The following SF3B1 variants were observed in gnomAD, a reference collection of about 807,000 sequenced individuals.
The protein encoded by SF3B1 is splicing factor 3b subunit 1.
In SF3B1, 12 loss-of-function variants were observed where a neutral mutation model predicts 153.8. The observed-to-expected ratio is 0.08, with a 90% CI of 0.05 to 0.13. SF3B1 has a LOEUF of 0.13. Among genes scored for constraint, SF3B1 ranks in the 10% least tolerant of loss-of-function variants. The pLI, the probability that SF3B1 is intolerant of heterozygous loss-of-function variation, is 1.00. For synonymous variants in SF3B1, 498 were observed against 525.2 expected, an observed-to-expected ratio of 0.95 and a Z score of 0.71; for missense variants, 513 against 1,606.1, an observed-to-expected ratio of 0.32 and a Z score of 11.63.
chr2:197,433,951 G>C (rs1279558388), intron 1 of SF3B1, among the ~76,000 whole-genome samples: 3 of 152,168 alleles, frequency 2.0e-5, no homozygotes, highest in Non-Finnish European at 4.4e-5. Context: ...AGAACATGCT[G>C]CTTTTTCTTC....
At position 197,417,058 on chromosome 2, in the gene SF3B1, T is replaced by C; in HGVS notation, c.496-147A>G. On this transcript the variant is annotated intron_variant, in intron 5 of 24. Transcript: ENST00000335508. Reference sequence around the variant, plus strand: ...GTGATCTCCTTTCTACGCTCGCTGGTTCCATAGTCTGTGCGTCTTTATTTC... The same window carrying C: ...GTGATCTCCTTTCTACGCTCGCTGGCTCCATAGTCTGTGCGTCTTTATTTC... 5 of 745,244 alleles carry C rather than the reference T, an allele frequency of 6.7e-6. No homozygotes were observed. In the East Asian group the frequency reaches 8.0e-5, roughly 12 times the overall value. 46.2% of individuals were successfully genotyped at this position (745,244 alleles called of 1,614,324 possible).
chr2:197,427,294 T>C (rs892015312), intron 1 of SF3B1, among the ~76,000 whole-genome samples: 6 of 152,256 alleles, frequency 3.9e-5, no homozygotes, highest in African/African-American at 1.4e-4. Flanking sequence ...TAAATGTTTA[T>C]ATGCAAATCA....
chr2:197,409,266 G>T (rs1226349669), intron 7 of SF3B1, among the ~76,000 whole-genome samples: 1 of 152,114 alleles, frequency 6.6e-6, no homozygotes, highest in African/African-American at 2.4e-5. Context: ...GGGCTTGGTG[G>T]CGCATGCCTG....
At chr2:197,399,999 AAAG>A (rs1169164620) in intron 20 of SF3B1, 53 bp downstream of exon 20, 2 of 1,242,676 alleles carry the variant, frequency 1.6e-6, no homozygotes, top group African/African-American at 3.1e-5. Flanking sequence ...ACGAAAAAAA[AAAG>A]AAAAAGAAAG....
chr2:197,422,821 C>T (rs1411300676), intron 2 of SF3B1, among the ~76,000 whole-genome samples: 1 of 151,348 alleles, frequency 6.6e-6, no homozygotes, highest in Non-Finnish European at 1.5e-5. Context: ...ACCCTGGAGG[C>T]GGAGCATGCA....
chr2:197,396,907 T>C (rs191557592), intron 22 of SF3B1, among the ~76,000 whole-genome samples: 5 of 152,320 alleles, frequency 3.3e-5, no homozygotes, highest in Non-Finnish European at 7.3e-5. Flanking sequence ...AAATAAATAT[T>C]ATGCTACCAA....
Position 197,402,706 on chromosome 2 carries a change from A to T in SF3B1, c.1927T>A (p.Ser643Thr). 1 of 1,614,136 alleles carries T rather than the reference A, an allele frequency of 6.2e-7. No individual in the cohort carries two copies. Among genetic ancestry groups the T allele is most frequent in the Non-Finnish European group, 8.5e-7 (1 of 1,179,990 alleles). Residue 643 changes from serine to threonine, a missense_variant, in exon 14 of 25, where the codon TCT (serine) becomes ACT (threonine). By Grantham distance (58) the Ser-to-Thr change is moderately conservative. Transcript: ENST00000335508. This position sits in a 1 kb window ranked among gnomAD's most constrained non-coding sequence, Gnocchi z 4.6. ...ACAGCTTTTAAGAAGGGCAATAAAGAAGGAATGCCCAGGGCAGAGGCTACA... is the reference window on the plus strand; with the variant it reads ...ACAGCTTTTAAGAAGGGCAATAAAGTAGGAATGCCCAGGGCAGAGGCTACA... ...AVVASALGIPSLLPFLKAVCK... is the reference protein window; with the variant it reads ...AVVASALGIPTLLPFLKAVCK...
At chr2:197,422,530 AC>A (rs1294013895) in intron 2 of SF3B1, among the ~76,000 whole-genome samples, 1 of 152,080 alleles carries the variant, frequency 6.6e-6, no homozygotes, top group African/African-American at 2.4e-5. Context: ...GTGCACATGG[AC>A]CCTAGAATTT....
In SF3B1 at chr2:197,430,757, C is replaced by T. The variant is rs1010792934; in HGVS notation, c.28+4215G>A. On this transcript the variant is annotated intron_variant, in intron 1 of 24. Coordinates refer to ENST00000335508, the MANE Select transcript of SF3B1 (RefSeq NM_012433.4). ...GCGTAAGCCACCGTGCCCAGCCTACCCTAGTGTTATTAAAACCTGTCTTCA... is the reference window on the plus strand; with the variant it reads ...GCGTAAGCCACCGTGCCCAGCCTACTCTAGTGTTATTAAAACCTGTCTTCA... Among the ~76,000 whole-genome samples the T allele has an allele frequency of 3.9e-5, 6 of 151,932 alleles. No individual in the cohort carries two copies. The South Asian group carries it at 8.3e-4, about 21-fold the overall frequency.
Position 197,421,126 on chromosome 2 carries a change from T to C in SF3B1, c.203A>G (p.Asp68Gly). 6.2e-7 allele frequency: 1 copy of C among 1,609,926 alleles called. No individual in the cohort carries two copies. Among genetic ancestry groups the C allele is most frequent in the Non-Finnish European group, 8.5e-7 (1 of 1,177,110 alleles). ...CAAACTCGTAGATGATGAATAGTCA[T>C]CGTCATCCTGCAATGAAAACCCCCC... ...IAATELEDDD[D>G]DYSSSTSLLG... Residue 68 changes from aspartate (D) to glycine (G), a missense_variant, in exon 3 of 25, where the codon GAT becomes GGT. Physicochemically the swap from Asp to Gly is moderately conservative, Grantham distance 94. Around this residue, in one of 21 missense-constraint regions of SF3B1, gnomAD observed 56 missense variants for 75.6 expected, o/e 0.74. Transcript: ENST00000335508.
intron 2 of SF3B1, among the ~76,000 whole-genome samples, chr2:197,421,557 T>C (rs1437138433): frequency 2.0e-5 from 3 of 152,234 alleles, no homozygotes; most frequent in Non-Finnish European, 2.9e-5. Flanking sequence ...TTAAATTTAT[T>C]TGCCCCTAGT....
Position 197,391,082 on chromosome 2 carries a change from A to G in SF3B1, c.*1221T>C, listed in dbSNP as rs974003300. The G allele has an allele frequency of 2.0e-5, 3 of 152,238 alleles. No individual in the cohort carries two copies. The highest frequency in any genetic ancestry group is 4.4e-5 in the Non-Finnish European group (3 of 68,044). 9.4% of individuals were successfully genotyped at this position (152,238 alleles called of 1,614,324 possible). On this transcript the variant is annotated 3_prime_UTR_variant, in exon 25 of 25. Transcript: ENST00000335508. ...AGTAAAAATAGTATAGGTAGTAAAA[A>G]GGCCAAAACTAAGAAATTTGGGGCC...
chr2:197,411,006 C>A (rs186836645), intron 6 of SF3B1, among the ~76,000 whole-genome samples: 4 of 152,084 alleles, frequency 2.6e-5, no homozygotes, highest in African/African-American at 9.7e-5. Context: ...GGCACAATCA[C>A]GGCTCACTGC....
At chr2:197,429,063 G>A (rs1244593139) in intron 1 of SF3B1, among the ~76,000 whole-genome samples, 1 of 151,992 alleles carries the variant, frequency 6.6e-6, no homozygotes, top group Non-Finnish European at 1.5e-5. Context: ...ATGAAGACTT[G>A]AGGCAAAGAA....
At position 197,416,832 on chromosome 2, in the gene SF3B1, G is replaced by C; in HGVS notation, c.575C>G (p.Pro192Arg). Reference sequence around the variant, plus strand: ...CCAACGCCGTTTTCGTTTTGATGGAGGCTGGGACGCTGCTGCTCCATTGAC... The same window carrying C: ...CCAACGCCGTTTTCGTTTTGATGGACGCTGGGACGCTGCTGCTCCATTGAC... ...KVVNGAAASQ[P>R]PSKRKRRWDQ... The change falls in exon 6 of 25, where the codon CCT becomes CGT. Residue 192 changes from proline to arginine, a missense_variant. Pro to Arg is a moderately radical substitution (Grantham distance 103). Transcript: ENST00000335508. The C allele has an allele frequency of 6.2e-7, 1 of 1,614,098 alleles. No homozygotes were observed.
At chr2:197,415,607 A>G (rs1395020300) in intron 6 of SF3B1, among the ~76,000 whole-genome samples, 1 of 152,180 alleles carries the variant, frequency 6.6e-6, no homozygotes, top group Non-Finnish European at 1.5e-5. Context: ...TAAAAAATCA[A>G]TTTTAAAGAC....
chr2:197,421,371 C>T (rs1303792198), intron 2 of SF3B1, among the ~76,000 whole-genome samples: 6 of 152,052 alleles, frequency 3.9e-5, no homozygotes, highest in African/African-American at 7.2e-5. Flanking sequence ...TTTCTATAGA[C>T]GTCAATTAAG....
intron 23 of SF3B1, among the ~76,000 whole-genome samples, chr2:197,395,301 T>A (rs1028488067): frequency 2.0e-5 from 3 of 152,218 alleles, no homozygotes; most frequent in Non-Finnish European, 2.9e-5. Context: ...CTCCATGTCT[T>A]GCATATATAC....
chr2:197,397,622 C>A (rs902518597), intron 22 of SF3B1, among the ~76,000 whole-genome samples: 1 of 152,106 alleles, frequency 6.6e-6, no homozygotes, highest in Non-Finnish European at 1.5e-5. Flanking sequence ...ATGGTGAAAC[C>A]TCATCTCTAC....
Sources: gnomAD v4.1 joint callset for allele counts (sites outside exome capture counted in the v4.1 genomes callset) on GRCh38, gnomAD v4.1.1 for gene constraint, gnomAD v4.1.1 regional missense constraint, Gnocchi (gnomAD v3.1) non-coding constraint, MANE v1.5 for transcripts, NCBI Gene and HGNC (gene_info 2026-07-23, HGNC 2026-07-21) for gene names.